The following ANKS1B variants were observed in gnomAD, a reference collection of about 807,000 sequenced individuals.
ANKS1B encodes ankyrin repeat and sterile alpha motif domain containing 1B, also known as ankyrin repeat and sterile alpha motif domain-containing protein 1B.
ANKS1B carries 36 observed loss-of-function variants against 148.3 expected under a neutral mutation model. That is an observed-to-expected ratio of 0.24 (90% CI 0.19 to 0.32). The LOEUF (loss-of-function observed/expected upper bound fraction) is 0.32, where lower values mean the gene tolerates loss of function less well. Ranked by LOEUF, ANKS1B falls within the 10% of genes least tolerant of loss-of-function variation. The pLI is 1.00. For missense variants in ANKS1B, 1,157 were observed against 1,542.6 expected (o/e 0.75, Z 4.19); for synonymous variants, 542 against 560.8 (o/e 0.97, Z 0.47).
chr12:98,982,042 C>T (rs906580341), intron 17 of ANKS1B, among the ~76,000 whole-genome samples: 3 of 152,106 alleles, frequency 2.0e-5, no homozygotes, highest in Non-Finnish European at 4.4e-5. Flanking sequence ...GAAAAGTCTA[C>T]AGGGGTAATT....
chr12:98,735,046 G>T, exon 10 of ANKS1B: 1 of 393,154 alleles, frequency 2.5e-6, no homozygotes, highest in South Asian at 1.4e-4. Context: ...CCTGGAGTTT[G>T]AGTCCAGCCT....
intron 9 of ANKS1B, chr12:99,650,114 A>G (rs1031460189): frequency 2.0e-5 from 3 of 152,318 alleles, no homozygotes; most frequent in Admixed American, 6.5e-5. Flanking sequence ...ATGGCAATTT[A>G]TGATCAGGCT....
downstream of ANKS1B, among the ~76,000 whole-genome samples, chr12:98,740,061 A>AAAG (rs1215612797): frequency 6.6e-6 from 1 of 152,158 alleles, no homozygotes; most frequent in African/African-American, 2.4e-5. Flanking sequence ...ATCAAGTGGT[A>AAAG]AAGAAGACTG....
chr12:99,268,260 A>G (rs1046435082), intron 12 of ANKS1B, among the ~76,000 whole-genome samples: 5 of 152,246 alleles, frequency 3.3e-5, no homozygotes, highest in African/African-American at 1.2e-4. Context: ...AGTATCTGTC[A>G]TATTAAAAGT....
At chr12:99,519,487 A>T (rs2153054531) in intron 9 of ANKS1B, among the ~76,000 whole-genome samples, 1 of 152,092 alleles carries the variant, frequency 6.6e-6, no homozygotes, top group Middle Eastern at 3.4e-3. Context: ...TCTTTGTCTG[A>T]CTTGTCTTAT....
At chr12:99,411,027 T>C (rs570689589) in intron 11 of ANKS1B, among the ~76,000 whole-genome samples, 1 of 152,238 alleles carries the variant, frequency 6.6e-6, no homozygotes, top group South Asian at 2.1e-4. Context: ...ATCAGCAGTT[T>C]CTGGGCAGGC....
chr12:99,399,647 C>T lies in ANKS1B; in HGVS notation c.1740G>A (p.Glu580=). The T allele has an allele frequency of 6.2e-7, 1 of 1,613,188 alleles. No individual in the cohort carries two copies. Among genetic ancestry groups the T allele is most frequent in the Non-Finnish European group, 8.5e-7 (1 of 1,179,356 alleles). The change falls in exon 12 of 27, where the codon GAG becomes GAA. Residue 580 remains glutamate, a synonymous_variant. Transcript: ENST00000683438. The part of the protein sequence containing the change: ...SSVGTTEVKN[E]GTNHTDDLSR... ...CTGCTTTACCTGTATGGTTAGTTCC[C>T]TCATTCTTGACTTCTGTGGTTCCCA...
intron 17 of ANKS1B, among the ~76,000 whole-genome samples, chr12:98,841,222 G>A (rs568574295): frequency 1.3e-4 from 20 of 152,100 alleles, no homozygotes; most frequent in African/African-American, 2.9e-4. Context: ...TATGGTTACC[G>A]AAATTCATTA....
intron 16 of ANKS1B, among the ~76,000 whole-genome samples, chr12:99,066,893 C>T (rs1005452015): frequency 6.6e-6 from 1 of 152,112 alleles, no homozygotes; most frequent in African/African-American, 2.4e-5. Flanking sequence ...GGACTGTATT[C>T]GTTCATCGTG....
intron 9 of ANKS1B, among the ~76,000 whole-genome samples, chr12:99,607,067 A>G (rs1219074101): frequency 6.6e-6 from 1 of 152,094 alleles, no homozygotes; most frequent in Non-Finnish European, 1.5e-5. Flanking sequence ...GGAGTACTTG[A>G]CTGCTCCCAG....
intron 1 of ANKS1B, among the ~76,000 whole-genome samples, chr12:99,829,022 A>G (rs1370931094): frequency 1.3e-5 from 2 of 152,130 alleles, no homozygotes; most frequent in Non-Finnish European, 2.9e-5. Flanking sequence ...GAAGTATCTC[A>G]GATACTTAGA....
intron 8 of ANKS1B, among the ~76,000 whole-genome samples, chr12:99,740,398 G>A (rs760330056): frequency 6.6e-6 from 1 of 152,100 alleles, no homozygotes; most frequent in Non-Finnish European, 1.5e-5. Context: ...TTATAATGCA[G>A]CACCTCTGTG....
chr12:98,737,375 A>G (rs1224656658), intron 9 of ANKS1B, among the ~76,000 whole-genome samples: 1 of 152,192 alleles, frequency 6.6e-6, no homozygotes, highest in Non-Finnish European at 1.5e-5. Flanking sequence ...TGTTTCACAA[A>G]TTCTTTAAGA....
intron 19 of ANKS1B, among the ~76,000 whole-genome samples, chr12:98,812,660 G>A (rs1166978525): frequency 1.3e-5 from 2 of 151,750 alleles, no homozygotes; most frequent in South Asian, 2.1e-4. Flanking sequence ...TGCAACCTCC[G>A]CTTCCTGGGT....
intron 8 of ANKS1B, among the ~76,000 whole-genome samples, chr12:99,742,790 A>T (rs2060246812): frequency 6.6e-6 from 1 of 150,650 alleles, no homozygotes; most frequent in Non-Finnish European, 1.5e-5. Flanking sequence ...GTGAGCCAAG[A>T]TCGCACCACT....
chr12:99,373,267 A>C (rs1017792004), intron 12 of ANKS1B, among the ~76,000 whole-genome samples: 1 of 152,194 alleles, frequency 6.6e-6, no homozygotes, highest in Non-Finnish European at 1.5e-5. Flanking sequence ...GAGTCAGTAG[A>C]TGCATCAAGA....
intron 14 of ANKS1B, among the ~76,000 whole-genome samples, chr12:99,206,848 CT>C (rs2082729439): frequency 1.3e-5 from 2 of 152,168 alleles, no homozygotes; most frequent in African/African-American, 4.8e-5. Flanking sequence ...TATTTGGAAA[CT>C]TTTTGTAAAA....
intron 9 of ANKS1B, among the ~76,000 whole-genome samples, chr12:99,610,078 G>A (rs2097888059): frequency 6.6e-6 from 1 of 151,712 alleles, no homozygotes; most frequent in South Asian, 2.1e-4. Flanking sequence ...CTATCAAAAG[G>A]GTCACAACCA....
Position 99,557,749 on chromosome 12 carries a change from G to A in ANKS1B, c.1273-53108C>T, listed in dbSNP as rs1312908474. On this transcript the variant is annotated intron_variant, in intron 9 of 26. Coordinates refer to ENST00000683438, the MANE Select transcript of ANKS1B (RefSeq NM_001352186.2). ...ATACAAAGACAATCTGGCTTTTCAAGTTGCCAGAGTTCTTGCACTGATTTT... is the reference window on the plus strand; with the variant it reads ...ATACAAAGACAATCTGGCTTTTCAAATTGCCAGAGTTCTTGCACTGATTTT... Among the ~76,000 whole-genome samples, 3 of 152,186 alleles carry A rather than the reference G, an allele frequency of 2.0e-5. No individual in the cohort carries two copies. In the East Asian group the frequency reaches 5.8e-4, roughly 29 times the overall value.
Sources: gnomAD v4.1 joint callset for allele counts (sites outside exome capture counted in the v4.1 genomes callset) on GRCh38, gnomAD v4.1.1 for gene constraint, MANE v1.5 for transcripts, NCBI Gene and HGNC (gene_info 2026-07-23, HGNC 2026-07-21) for gene names.